ARFGEF3: variants seen among roughly 807,000 people sequenced by gnomAD.
The protein encoded by ARFGEF3 is ARFGEF family member 3, also known as brefeldin A-inhibited guanine nucleotide-exchange protein 3.
A neutral mutation model predicts 221.7 loss-of-function variants in ARFGEF3; 96 were observed. The ratio of observed to expected loss-of-function variants is 0.43; its 90% confidence interval spans 0.37 to 0.51. ARFGEF3 has a LOEUF of 0.51. ARFGEF3 is among the 20% of genes least tolerant of loss of function. The pLI is 0.00. For synonymous variants in ARFGEF3, 1,145 were observed against 1,126.8 expected, an observed-to-expected ratio of 1.02 and a Z score of -0.32; for missense variants, 2,410 against 2,789.9, an observed-to-expected ratio of 0.86 and a Z score of 3.07.
chr6:138,301,848 G>A (rs1562385242), intron 22 of ARFGEF3, among the ~76,000 whole-genome samples: 1 of 152,144 alleles, frequency 6.6e-6, no homozygotes, highest in Non-Finnish European at 1.5e-5. Context: ...TGACTACTAA[G>A]CTATGCAGAC....
At chr6:138,279,653 G>A (rs556690337) in intron 13 of ARFGEF3, among the ~76,000 whole-genome samples, 159 of 152,330 alleles carry the variant, frequency 1.0e-3, no homozygotes, top group Non-Finnish European at 2.1e-3. Flanking sequence ...GCAGGAGCAC[G>A]TTCCACCTCT....
chr6:138,201,741 G>A (rs1777541558), intron 2 of ARFGEF3, among the ~76,000 whole-genome samples: 1 of 152,166 alleles, frequency 6.6e-6, no homozygotes, highest in African/African-American at 2.4e-5. Context: ...GGGGTGATGG[G>A]TGCACCAGGA....
intron 5 of ARFGEF3, among the ~76,000 whole-genome samples, chr6:138,238,261 C>T (rs1235560435): frequency 6.6e-6 from 1 of 152,154 alleles, no homozygotes; most frequent in Non-Finnish European, 1.5e-5. Flanking sequence ...ATTTGCGTTC[C>T]CCTATGATGC....
chr6:138,233,069 T>G (rs188326633), intron 5 of ARFGEF3, among the ~76,000 whole-genome samples: 3 of 152,332 alleles, frequency 2.0e-5, no homozygotes, highest in Admixed American at 6.5e-5. Context: ...TTCTATGGTG[T>G]TTTATATATA....
At chr6:138,255,287 A>T in intron 9 of ARFGEF3, 149 bp from the exon 10 acceptor site, 1 of 560,926 alleles carries the variant, frequency 1.8e-6, no homozygotes, top group Non-Finnish European at 3.1e-6. Context: ...GAAATGTTAA[A>T]GAGACTTAGA....
intron 4 of ARFGEF3, among the ~76,000 whole-genome samples, chr6:138,222,302 C>T (rs896421315): frequency 2.6e-5 from 4 of 152,202 alleles, no homozygotes; most frequent in African/African-American, 9.7e-5. Flanking sequence ...AGAAAGTTTA[C>T]GAATTTGTGT....
rs1016030568 is a variant in ARFGEF3, at chr6:138,341,904, T to TA, written c.*5419dup. ...TGAAGAGAAACCACTACCACACCAC[T>TA]AGCACCATACAGAACCTTTTCTCTG... On this transcript the variant is annotated 3_prime_UTR_variant, in exon 34 of 34. Coordinates refer to ENST00000251691, the MANE Select transcript of ARFGEF3 (RefSeq NM_020340.5). The TA allele has an allele frequency of 5.3e-5, 8 of 152,288 alleles. No homozygotes were observed. In the South Asian group the frequency reaches 1.7e-3, roughly 32 times the overall value. 9.4% of individuals were successfully genotyped at this position (152,288 alleles called of 1,614,324 possible). A position where few individuals can be genotyped will look rare whatever the true frequency, so the allele number is the denominator to read the frequency against.
intron 2 of ARFGEF3, among the ~76,000 whole-genome samples, chr6:138,174,988 G>T (rs182338056): frequency 1.5e-3 from 234 of 152,292 alleles, no homozygotes; most frequent in Non-Finnish European, 2.9e-3. Context: ...ACTTTTGAAT[G>T]ATTTAAGTGA....
At chr6:138,201,716 G>T (rs561684177) in intron 2 of ARFGEF3, among the ~76,000 whole-genome samples, 2 of 152,308 alleles carry the variant, frequency 1.3e-5, no homozygotes, top group African/African-American at 2.4e-5. Flanking sequence ...CAAATATGGT[G>T]CAGTGTATAC....
rs1415779860 is a variant in ARFGEF3, at chr6:138,187,442, G to A, written c.137+16729G>A. On this transcript the variant is annotated intron_variant, in intron 2 of 33. Coordinates refer to ENST00000251691, the MANE Select transcript of ARFGEF3 (RefSeq NM_020340.5). The stretch of plus-strand genomic sequence containing the variant: ...TTTCTCCTTAGCCTGGAGCAGTGAG[G>A]CTCCTTGCTCAGACACCCTGGGCTT... Among the ~76,000 whole-genome samples, 3 of 152,272 alleles carry A rather than the reference G, an allele frequency of 2.0e-5. No homozygotes were observed. The South Asian group carries it at 6.2e-4, about 32-fold the overall frequency.
chr6:138,269,531 C>T (rs1778959510), intron 12 of ARFGEF3, among the ~76,000 whole-genome samples: 1 of 152,178 alleles, frequency 6.6e-6, no homozygotes, highest in African/African-American at 2.4e-5. Flanking sequence ...AGATGACGGC[C>T]TGGCGCTGTG....
intron 2 of ARFGEF3, among the ~76,000 whole-genome samples, chr6:138,181,607 C>G (rs554119435): frequency 6.6e-6 from 1 of 152,252 alleles, no homozygotes; most frequent in African/African-American, 2.4e-5. Flanking sequence ...CCATGCCCAG[C>G]TAATTTTTGT....
intron 15 of ARFGEF3, among the ~76,000 whole-genome samples, chr6:138,286,465 AAG>A (rs1261155048): frequency 6.6e-6 from 1 of 152,090 alleles, no homozygotes; most frequent in East Asian, 1.9e-4. Flanking sequence ...AAAAAAAAAA[AAG>A]AAAAAGAAAA....
At chr6:138,310,122 C>A (rs1316208376) in intron 24 of ARFGEF3, among the ~76,000 whole-genome samples, 2 of 152,188 alleles carry the variant, frequency 1.3e-5, no homozygotes, top group African/African-American at 2.4e-5. Context: ...GGCAGAGCCC[C>A]TTGTATAGTC....
Position 138,321,305 on chromosome 6 carries a change from T to C in ARFGEF3, c.4766+80T>C, listed in dbSNP as rs183509883. The C allele has an allele frequency of 4.5e-4, 368 of 818,358 alleles. 1 individual carries two copies. In the African/African-American group the frequency reaches 5.8e-3, roughly 13 times the overall value. 50.7% of individuals were successfully genotyped at this position (818,358 alleles called of 1,614,324 possible). A position where few individuals can be genotyped will look rare whatever the true frequency, so the allele number is the denominator to read the frequency against. ...TAAAGAAATTAAATTGTCTTTGTGG[T>C]AGGAATCGACTTTTTGGATTGCTTT... On this transcript the variant is annotated intron_variant, in intron 29 of 33. Coordinates refer to ENST00000251691, the MANE Select transcript of ARFGEF3 (RefSeq NM_020340.5).
intron 8 of ARFGEF3, among the ~76,000 whole-genome samples, chr6:138,251,239 A>G (rs762188418): frequency 6.6e-6 from 1 of 152,188 alleles, no homozygotes; most frequent in African/African-American, 2.4e-5. Context: ...CTTATTTCCA[A>G]TGATTTCAGA....
At chr6:138,289,477 G>A (rs1470293482) in intron 17 of ARFGEF3, among the ~76,000 whole-genome samples, 1 of 152,220 alleles carries the variant, frequency 6.6e-6, no homozygotes, top group African/African-American at 2.4e-5. Context: ...TGGGAAGGGT[G>A]AAAGGTCTGG....
At chr6:138,278,998 G>A (rs544495917) in intron 13 of ARFGEF3, among the ~76,000 whole-genome samples, 56 of 152,148 alleles carry the variant, frequency 3.7e-4, no homozygotes, top group African/African-American at 1.3e-3. Flanking sequence ...CAAGAAATTT[G>A]CTGAAAATGA....
At chr6:138,179,767 C>A (rs183494422) in intron 2 of ARFGEF3, among the ~76,000 whole-genome samples, 1 of 152,236 alleles carries the variant, frequency 6.6e-6, no homozygotes, top group Admixed American at 6.5e-5. Context: ...GTGCTATGAA[C>A]CCTGGAGCGA....
Sources: allele counts gnomAD v4.1 joint callset (sites outside exome capture counted in the v4.1 genomes callset), GRCh38; gene constraint gnomAD v4.1.1; transcripts MANE v1.5; gene names NCBI Gene and HGNC (gene_info 2026-07-23, HGNC 2026-07-21).